Variants in THRAP3 observed in about 807,000 individuals in gnomAD.
The protein encoded by THRAP3 is thyroid hormone receptor-associated protein 3.
A neutral mutation model predicts 101.0 loss-of-function variants in THRAP3; 16 were observed. The ratio of observed to expected loss-of-function variants is 0.16; its 90% confidence interval spans 0.11 to 0.24. THRAP3 has a LOEUF of 0.24. Ranked by LOEUF, THRAP3 falls within the 10% of genes least tolerant of loss-of-function variation. THRAP3 has a pLI of 1.00. For missense variants in THRAP3, 989 were observed against 1,202.7 expected, an observed-to-expected ratio of 0.82 and a Z score of 2.63; for synonymous variants, 407 against 422.6, an observed-to-expected ratio of 0.96 and a Z score of 0.45.
chr1:36,293,781 A>C (rs1645911449), intron 7 of THRAP3, 70 bp from the exon 8 acceptor site: 1 of 1,338,670 alleles, frequency 7.5e-7, no homozygotes, highest in Non-Finnish European at 1.1e-6. Flanking sequence ...AGCCAACTTA[A>C]GAGCTAGAAT....
intron 2 of THRAP3, among the ~76,000 whole-genome samples, chr1:36,273,455 T>G (rs1005641696): frequency 6.6e-6 from 1 of 152,190 alleles, no homozygotes; most frequent in Non-Finnish European, 1.5e-5. Context: ...ATGAAAAATT[T>G]ACAGCTAACA....
At chr1:36,210,714 T>TCATATATATATC in the THRAP3 span, among the ~76,000 whole-genome samples, 2 of 100 alleles carry the variant, frequency 0.02, no homozygotes, top group African/African-American at 0.028. Context: ...TATATATATA[T>TCATATATATATC]ATATATATAT....
intron 2 of THRAP3, among the ~76,000 whole-genome samples, chr1:36,264,040 CT>C (rs1645481791): frequency 6.6e-6 from 1 of 152,218 alleles, no homozygotes; most frequent in Non-Finnish European, 1.5e-5. Context: ...TCACTTATTA[CT>C]TGTAGGCAGA....
intron 1 of THRAP3, among the ~76,000 whole-genome samples, chr1:36,245,820 C>T (rs369832206): frequency 1.5e-4 from 23 of 152,210 alleles, no homozygotes; most frequent in African/African-American, 4.3e-4. Flanking sequence ...CCAGCTAGGA[C>T]TTTTTATTTT....
intron 1 of THRAP3, among the ~76,000 whole-genome samples, chr1:36,249,719 T>TGTGTGTGTGG (rs778135723): frequency 6.7e-6 from 1 of 149,272 alleles, no homozygotes; most frequent in South Asian, 2.1e-4. Flanking sequence ...TGTGTGTGTG[T>TGTGTGTGTGG]GGTGGAGGTT....
chr1:36,259,648 C>A (rs1164567036), intron 2 of THRAP3, among the ~76,000 whole-genome samples, 164 bp downstream of exon 2: 4 of 151,972 alleles, frequency 2.6e-5, no homozygotes, highest in Non-Finnish European at 5.9e-5. Context: ...CATCTGTGGT[C>A]CCAGCTACTT....
In THRAP3 at chr1:36,287,086, A is replaced by G. The variant is rs58840555; in HGVS notation, c.856A>G (p.Thr286Ala). ...PLSSTSQMGS[T>A]LPSGAGYQSG... ...TTCCAGCACATCCCAGATGGGCTCA[A>G]CTCTGCCGAGTGGTGCCGGGTATCA... The change falls in exon 4 of 12, where the codon ACT becomes GCT. Residue 286 changes from threonine to alanine, a missense_variant. By Grantham distance (58) the Thr-to-Ala change is moderately conservative. Coordinates refer to ENST00000354618, the MANE Select transcript of THRAP3 (RefSeq NM_005119.4). The G allele has an allele frequency of 0.01, 16,406 of 1,613,898 alleles. 1,353 individuals are homozygous for G. The African/African-American group carries it at 0.18, about 18-fold the overall frequency.
intron 1 of THRAP3, among the ~76,000 whole-genome samples, chr1:36,243,568 AC>A (rs1339088478): frequency 6.6e-6 from 1 of 152,190 alleles, no homozygotes; most frequent in East Asian, 1.9e-4. Flanking sequence ...TTAGCACAGA[AC>A]AAAATGAAAA....
upstream of THRAP3, among the ~76,000 whole-genome samples, chr1:36,220,210 G>A (rs1448056683): frequency 2.6e-5 from 4 of 152,034 alleles, no homozygotes; most frequent in African/African-American, 4.8e-5. Flanking sequence ...CCAGGCTGGT[G>A]TCAAAGTCCT....
chr1:36,256,835 G>T (rs1005803027), intron 1 of THRAP3, among the ~76,000 whole-genome samples: 1 of 151,354 alleles, frequency 6.6e-6, no homozygotes, highest in African/African-American at 2.4e-5. Context: ...CGCTATTGTT[G>T]TCCAGGCTGG....
the THRAP3 span, among the ~76,000 whole-genome samples, chr1:36,211,822 C>T: frequency 0.031 from 4,778 of 152,268 alleles, 237 homozygotes; most frequent in African/African-American, 0.11. Flanking sequence ...CTGCTCCTCT[C>T]TTCCATAGGT....
chr1:36,220,737 T>C (rs1291108122), upstream of THRAP3, among the ~76,000 whole-genome samples: 1 of 151,908 alleles, frequency 6.6e-6, no homozygotes, highest in East Asian at 1.9e-4. Flanking sequence ...GTGGATCACC[T>C]GAGGTGAGGA....
At chr1:36,284,839 T>G (rs550985494) in intron 3 of THRAP3, among the ~76,000 whole-genome samples, 1 of 152,354 alleles carries the variant, frequency 6.6e-6, no homozygotes, top group South Asian at 2.1e-4. Context: ...AGCCCTTTAA[T>G]CGGGTTGTAT....
chr1:36,252,500 T>C (rs1487728343), intron 1 of THRAP3, among the ~76,000 whole-genome samples: 2 of 152,200 alleles, frequency 1.3e-5, no homozygotes, highest in Non-Finnish European at 2.9e-5. Flanking sequence ...TGATAACCTT[T>C]CCAAAGGGTC....
intron 8 of THRAP3, among the ~76,000 whole-genome samples, chr1:36,294,549 T>A (rs1375707035): frequency 2.0e-5 from 3 of 152,220 alleles, no homozygotes; most frequent in Admixed American, 1.3e-4. Context: ...TTTAAAAAAA[T>A]CTTAGTATTT....
upstream of THRAP3, among the ~76,000 whole-genome samples, chr1:36,223,238 C>T (rs1037900337): frequency 3.6e-4 from 55 of 152,170 alleles, no homozygotes; most frequent in Admixed American, 1.7e-3. Flanking sequence ...AAGAGTAAGC[C>T]GTGTGCAAGG....
chr1:36,288,362 G>C, intron 4 of THRAP3: 2 of 982,274 alleles, frequency 2.0e-6, no homozygotes, highest in Non-Finnish European at 1.2e-6. Context: ...ATGCCTTTGG[G>C]TCCTCATAGT....
At chr1:36,278,562 G>C (rs1461569181) in intron 2 of THRAP3, among the ~76,000 whole-genome samples, 1 of 152,144 alleles carries the variant, frequency 6.6e-6, no homozygotes, top group African/African-American at 2.4e-5. Flanking sequence ...CTGCAGAACA[G>C]TTTGAAAACA....
the THRAP3 span, among the ~76,000 whole-genome samples, chr1:36,208,579 TGTTA>T: frequency 1.3e-5 from 2 of 152,220 alleles, no homozygotes; most frequent in Admixed American, 6.6e-5. Flanking sequence ...AACAGAATTA[TGTTA>T]GTTATTACTG....
Sources: gnomAD v4.1 joint callset for allele counts (sites outside exome capture counted in the v4.1 genomes callset) on GRCh38, gnomAD v4.1.1 for gene constraint, MANE v1.5 for transcripts, NCBI Gene and HGNC (gene_info 2026-07-23, HGNC 2026-07-21) for gene names.